The following MSRA variants were observed in gnomAD, a reference collection of about 807,000 sequenced individuals.
MSRA encodes the protein methionine sulfoxide reductase A.
Under a neutral mutation model 31.3 loss-of-function variants are expected in MSRA, and 54 were observed. That is an observed-to-expected ratio of 1.73 (90% CI 1.39 to 2.17). The LOEUF is 2.17. Among genes scored for constraint, MSRA ranks in the 30% most tolerant of loss-of-function variants. The pLI, the probability that MSRA is intolerant of heterozygous loss-of-function variation, is 0.00. For synonymous variants in MSRA, 169 were observed against 116.5 expected (o/e 1.45, Z -2.90); for missense variants, 507 against 300.9 (o/e 1.69, Z -5.07).
chr8:10,139,705 G>A (rs146887167), intron 1 of MSRA, among the ~76,000 whole-genome samples: 1 of 152,300 alleles, frequency 6.6e-6, no homozygotes, highest in East Asian at 1.9e-4. Flanking sequence ...TTTCTTGGCT[G>A]AGTAGTAGTC....
chr8:10,088,524 C>T (rs992977948), intron 1 of MSRA, among the ~76,000 whole-genome samples: 3 of 152,126 alleles, frequency 2.0e-5, no homozygotes, highest in Non-Finnish European at 4.4e-5. Flanking sequence ...CACTTGGGGT[C>T]AGGAGTTCGA....
At chr8:10,325,790 A>G (rs1297470429) in intron 5 of MSRA, among the ~76,000 whole-genome samples, 1 of 152,200 alleles carries the variant, frequency 6.6e-6, no homozygotes, top group East Asian at 1.9e-4. Flanking sequence ...TTATTCACTG[A>G]GGGAAGGAGA....
At chr8:10,074,057 GCTTTTTTTTTTTTTTTTTTTTTTTT>G (rs1797870326) in intron 1 of MSRA, among the ~76,000 whole-genome samples, 1 of 46,632 alleles carries the variant, frequency 2.1e-5, no homozygotes, top group African/African-American at 6.3e-5. Flanking sequence ...TAAGGGAGGT[GCTTTTTTTTTTTTTTTTTTTTTTTT>G]TTTTTTTTTT....
intron 5 of MSRA, among the ~76,000 whole-genome samples, chr8:10,410,731 T>A (rs983418828): frequency 6.6e-6 from 1 of 152,228 alleles, no homozygotes; most frequent in Non-Finnish European, 1.5e-5. Flanking sequence ...GAGTGTTTGA[T>A]ACTTAGAGAT....
Position 10,095,525 on chromosome 8 carries a change from C to T in MSRA, c.142+40867C>T, listed in dbSNP as rs1001557328. On this transcript the variant is annotated intron_variant, in intron 1 of 5. Coordinates refer to ENST00000317173, the MANE Select transcript of MSRA (RefSeq NM_012331.5). ...AGCCTGGACCTCCGCCAAGACTGCT[C>T]GGAAGGTTGCCATACTGGGAGCAAA... 30 of 985,304 alleles carry T rather than the reference C, an allele frequency of 3.0e-5. 1 individual carries two copies. The East Asian group carries it at 4.6e-4, about 15-fold the overall frequency. The allele number at this position is 985,304 out of a possible 1,614,324, so 61.0% of individuals were successfully genotyped here.
chr8:10,400,361 C>CTGTGTGTGTGTG (rs778722885), intron 5 of MSRA, among the ~76,000 whole-genome samples: 4 of 148,108 alleles, frequency 2.7e-5, no homozygotes, highest in African/African-American at 7.5e-5. Context: ...TATTCAGGCT[C>CTGTGTGTGTGTG]TGTGTGTGTG....
chr8:10,195,531 G>A (rs1014765291), intron 1 of MSRA, among the ~76,000 whole-genome samples: 9 of 152,158 alleles, frequency 5.9e-5, no homozygotes, highest in African/African-American at 9.7e-5. Context: ...GTGAGCCACC[G>A]TGCCTGGCCT....
chr8:10,260,247 G>A (rs1033017126), intron 3 of MSRA, among the ~76,000 whole-genome samples: 4 of 152,188 alleles, frequency 2.6e-5, no homozygotes, highest in African/African-American at 9.7e-5. Flanking sequence ...CTCCACTTCT[G>A]GTTGAGGGAT....
chr8:10,280,257 A>C (rs1321834984), intron 3 of MSRA, among the ~76,000 whole-genome samples: 1 of 151,776 alleles, frequency 6.6e-6, no homozygotes, highest in East Asian at 1.9e-4. Context: ...TGCTTCATTA[A>C]CTTTTGCCCC....
intron 1 of MSRA, among the ~76,000 whole-genome samples, chr8:10,078,700 C>G (rs1231378484): frequency 6.6e-6 from 1 of 152,240 alleles, no homozygotes; most frequent in Non-Finnish European, 1.5e-5. Context: ...GTCCCAAGCT[C>G]CTTAGCTATA....
At chr8:10,138,411 G>A (rs1802452613) in intron 1 of MSRA, among the ~76,000 whole-genome samples, 1 of 152,162 alleles carries the variant, frequency 6.6e-6, no homozygotes, top group Non-Finnish European at 1.5e-5. Flanking sequence ...GAATCTTGCT[G>A]CAACTTCGAT....
At chr8:10,105,619 C>G (rs766195154) in intron 1 of MSRA, among the ~76,000 whole-genome samples, 2 of 152,150 alleles carry the variant, frequency 1.3e-5, no homozygotes, top group African/African-American at 4.8e-5. Context: ...AAAGAATGTT[C>G]TGTTGATCTG....
chr8:10,245,938 A>G (rs1347565571), intron 3 of MSRA, among the ~76,000 whole-genome samples: 2 of 152,238 alleles, frequency 1.3e-5, no homozygotes, highest in African/African-American at 4.8e-5. Context: ...TGAGACAGAC[A>G]TTTCAGATAC....
At chr8:10,072,320 T>G (rs1399658761) in intron 1 of MSRA, among the ~76,000 whole-genome samples, 4 of 133,972 alleles carry the variant, frequency 3.0e-5, no homozygotes, top group Non-Finnish European at 4.9e-5. Context: ...TTTTTTTTTT[T>G]GTCTATGGAT....
At chr8:10,117,474 C>A (rs111735526) in intron 1 of MSRA, among the ~76,000 whole-genome samples, 1 of 152,298 alleles carries the variant, frequency 6.6e-6, no homozygotes, top group African/African-American at 2.4e-5. Flanking sequence ...GAAGTGTGAA[C>A]TTGGGGCTCG....
chr8:10,327,729 C>T (rs576433170), intron 5 of MSRA, among the ~76,000 whole-genome samples: 5 of 152,202 alleles, frequency 3.3e-5, no homozygotes, highest in Non-Finnish European at 4.4e-5. Context: ...GTCAGGAGAT[C>T]GAGACTATCC....
chr8:10,385,246 G>T (rs754710523), intron 5 of MSRA, among the ~76,000 whole-genome samples: 1 of 152,178 alleles, frequency 6.6e-6, no homozygotes, highest in Non-Finnish European at 1.5e-5. Context: ...CCACCTGGGG[G>T]ATGGCAGCAG....
At chr8:10,325,165 G>A (rs1398598986) in intron 5 of MSRA, among the ~76,000 whole-genome samples, 1 of 152,126 alleles carries the variant, frequency 6.6e-6, no homozygotes, top group African/African-American at 2.4e-5. Context: ...GAAGGCAGCT[G>A]ACTGCAATGG....
At chr8:10,391,475 C>A (rs1190005959) in intron 5 of MSRA, among the ~76,000 whole-genome samples, 3 of 152,152 alleles carry the variant, frequency 2.0e-5, no homozygotes, top group African/African-American at 4.8e-5. Context: ...TCTGATTGAA[C>A]CAAAATCATA....
Sources: gnomAD v4.1 joint callset for allele counts (sites outside exome capture counted in the v4.1 genomes callset) on GRCh38, gnomAD v4.1.1 for gene constraint, MANE v1.5 for transcripts, NCBI Gene and HGNC (gene_info 2026-07-23, HGNC 2026-07-21) for gene names.